Variants in SLC4A1 observed in about 807,000 individuals in gnomAD.
The protein encoded by SLC4A1 is band 3 anion transport protein.
In SLC4A1, 29 loss-of-function variants were observed where a neutral mutation model predicts 93.1. The observed-to-expected ratio is 0.31, with a 90% confidence interval of 0.23 to 0.42. SLC4A1 has a LOEUF of 0.42. Among genes scored for constraint, SLC4A1 ranks in the 20% least tolerant of loss-of-function variants. The pLI, the probability that SLC4A1 is intolerant of heterozygous loss-of-function variation, is 1.00. For missense variants in SLC4A1, 965 were observed against 1,190.1 expected (o/e 0.81, Z 2.78); for synonymous variants, 469 against 497.2 (o/e 0.94, Z 0.76).
chr17:44,264,880 G>C (rs967943606), intron 1 of SLC4A1, among the ~76,000 whole-genome samples: 1 of 151,908 alleles, frequency 6.6e-6, no homozygotes, highest in African/African-American at 2.4e-5. Context: ...TTCCCTCCTC[G>C]CCCACTACAG....
In SLC4A1 at chr17:44,257,489, C is replaced by A; in HGVS notation, c.1487G>T (p.Trp496Leu). The A allele has an allele frequency of 6.2e-7, 1 of 1,613,778 alleles. No individual in the cohort carries two copies. Among genetic ancestry groups the A allele is most frequent in the Non-Finnish European group, 8.5e-7 (1 of 1,179,926 alleles). ...YIVGRVWIGF[W>L]LILLVVLVVA... is the part of the protein sequence containing the mutation. ...CACCAACACCACCAGCAGGATGAGC[C>A]AGAAGCCGATCCACACGCGGCCCAC... The change falls in exon 13 of 20, where the codon TGG (tryptophan) becomes TTG (leucine). Residue 496 changes from tryptophan (W) to leucine (L), a missense_variant. Coordinates refer to ENST00000262418, the MANE Select transcript of SLC4A1 (RefSeq NM_000342.4).
intron 1 of SLC4A1, among the ~76,000 whole-genome samples, chr17:44,264,557 C>T (rs558332681): frequency 1.0e-3 from 153 of 152,348 alleles, no homozygotes; most frequent in South Asian, 4.8e-3. Context: ...TACCTGAGTG[C>T]GAAGACCCTG....
rs1253447708 is a variant in SLC4A1 at position 44,254,580 on chromosome 17, T to C, written c.1973A>G (p.Glu658Gly). Residue 658 changes from glutamate to glycine, a missense_variant, in exon 16 of 20, where the codon GAG (glutamate) becomes GGG (glycine). By Grantham distance (98) the Glu-to-Gly change is moderately conservative. Coordinates refer to ENST00000262418, the MANE Select transcript of SLC4A1 (RefSeq NM_000342.4). The stretch of plus-strand genomic sequence containing the variant: ...GGCAAACATCATCCAGATGGGAAAC[T>C]CGGAACGCAAGCCCAGTGGGTGGAT... ...WVIHPLGLRS[E>G]FPIWMMFASA... 6.2e-7 allele frequency: 1 copy of C among 1,610,326 alleles called. No individual in the cohort carries two copies. Among genetic ancestry groups the C allele is most frequent in the Non-Finnish European group, 8.5e-7 (1 of 1,177,958 alleles).
chr17:44,252,970 T>G, intron 17 of SLC4A1, 148 bp downstream of exon 17: 5 of 885,032 alleles, frequency 5.6e-6, no homozygotes, highest in South Asian at 1.4e-5. Context: ...TCCCCTCGTG[T>G]GAGTAGGGGA....
At chr17:44,259,476 G>C in intron 8 of SLC4A1, 21 bp downstream of exon 8, 3 of 1,607,648 alleles carry the variant, frequency 1.9e-6, no homozygotes, top group Non-Finnish European at 2.6e-6. Context: ...GAGGGCTGAG[G>C]GTAGAGATGC....
chr17:44,266,547 C>A (rs1044206430), intron 1 of SLC4A1, among the ~76,000 whole-genome samples: 2 of 152,188 alleles, frequency 1.3e-5, no homozygotes, highest in African/African-American at 4.8e-5. Context: ...GTCACCCCAT[C>A]TGTACAATGG....
At chr17:44,262,022 C>T in intron 3 of SLC4A1, 2 of 1,187,434 alleles carry the variant, frequency 1.7e-6, no homozygotes, top group Non-Finnish European at 2.1e-6. Context: ...CTTCTCTCCT[C>T]CCACCTGCCT....
chr17:44,254,395 G>T, intron 16 of SLC4A1, 101 bp downstream of exon 16: 1 of 1,117,120 alleles, frequency 9.0e-7, no homozygotes, highest in Non-Finnish European at 1.3e-6. Flanking sequence ...CACCCGCAGG[G>T]ACTAGCTTGC....
At chr17:44,266,938 G>A (rs796956091) in intron 1 of SLC4A1, among the ~76,000 whole-genome samples, 11 of 152,286 alleles carry the variant, frequency 7.2e-5, no homozygotes, top group African/African-American at 2.2e-4. Context: ...TAATCAGCCC[G>A]AACTGCACAA....
At chr17:44,260,034 C>A in intron 6 of SLC4A1, 102 bp from the exon 7 acceptor site, 1 of 1,463,658 alleles carries the variant, frequency 6.8e-7, no homozygotes, top group South Asian at 1.1e-5. Context: ...GGGTAGACAT[C>A]AAGGGTAGAC....
At chr17:44,254,469 A>AC in intron 16 of SLC4A1, 27 bp downstream of exon 16, 5 of 665,392 alleles carry the variant, frequency 7.5e-6, no homozygotes, top group East Asian at 4.1e-5. Flanking sequence ...CCACCCTCCC[A>AC]GGCCCAGCCC....
chr17:44,257,885 G>C, intron 11 of SLC4A1, 78 bp from the exon 12 acceptor site: 1 of 1,607,202 alleles, frequency 6.2e-7, no homozygotes. Flanking sequence ...TGGTCAGGCT[G>C]ATGCAGGGGT....
At position 44,249,058 on chromosome 17, in the gene SLC4A1, C is replaced by CT. The variant is rs1351214885; in HGVS notation, c.*1399_*1400insA. On this transcript the variant is annotated 3_prime_UTR_variant, in exon 20 of 20. Transcript: ENST00000262418. ...TGTATTTTTAGTAGTAACGGGGTTT[C>CT]ACCATGTTGGCCAGGCTGGTCTCAA... The CT allele has an allele frequency of 2.7e-6, 1 of 372,472 alleles. No homozygotes were observed. Among genetic ancestry groups the CT allele is most frequent in the Admixed American group, 3.7e-5 (1 of 26,672 alleles). 23.1% of individuals were successfully genotyped at this position (372,472 alleles called of 1,614,324 possible).
In SLC4A1 at chr17:44,251,206, G is replaced by A. The variant is rs28931585; in HGVS notation, c.2608C>T (p.Arg870Trp). ...PFVLILTVPL[R>W]RVLLPLIFRN... ...AAGATGAGCGGCAGCAGGACGCGCCGCAGCGGCACAGTGAGGATGAGGACG... is the reference window on the plus strand; with the variant it reads ...AAGATGAGCGGCAGCAGGACGCGCCACAGCGGCACAGTGAGGATGAGGACG... Residue 870 changes from arginine to tryptophan, a missense_variant, in exon 19 of 20, where the codon CGG (arginine) becomes TGG (tryptophan). Transcript: ENST00000262418. 1.2e-6 allele frequency: 2 copies of A among 1,613,402 alleles called. No homozygotes were observed. Among genetic ancestry groups the A allele is most frequent in the Non-Finnish European group, 8.5e-7 (1 of 1,179,772 alleles).
At chr17:44,262,497 C>T (rs1053928564) in intron 3 of SLC4A1, 139 bp downstream of exon 3, 5 of 673,600 alleles carry the variant, frequency 7.4e-6, no homozygotes, top group Non-Finnish European at 1.3e-5. Context: ...GTTTATCCTT[C>T]AATCAGCCAG....
chr17:44,255,926 G>T, intron 13 of SLC4A1, 80 bp from the exon 14 acceptor site: 2 of 1,283,114 alleles, frequency 1.6e-6, no homozygotes, highest in Non-Finnish European at 2.3e-6. Context: ...ACTCTACCCA[G>T]CACTACTATC....
At chr17:44,261,492 AT>A in intron 4 of SLC4A1, 82 bp downstream of exon 4, 9 of 1,611,226 alleles carry the variant, frequency 5.6e-6, no homozygotes, top group Non-Finnish European at 7.6e-6. Context: ...AGCTGCCTCT[AT>A]CCCCTTGCTC....
rs2047426826 is a variant in SLC4A1, at chr17:44,259,866, A to G, written c.552T>C (p.Pro184=). The G allele has an allele frequency of 6.2e-7, 1 of 1,613,894 alleles. No individual in the cohort carries two copies. Among genetic ancestry groups the G allele is most frequent in the African/African-American group, 1.3e-5 (1 of 74,870 alleles). Residue 184 remains proline, a synonymous_variant, in exon 7 of 20, where the codon CCT becomes CCC. Coordinates refer to ENST00000262418, the MANE Select transcript of SLC4A1 (RefSeq NM_000342.4). ...AGTGTTGGGGGAGCAGAGGCTGTGA[A>G]GGATCCCCAGAGCGTGTCAGGACTG... ...KPAVLTRSGD[P]SQPLLPQHSS...
chr17:44,265,325 G>A (rs892754088), intron 1 of SLC4A1, among the ~76,000 whole-genome samples: 18 of 152,142 alleles, frequency 1.2e-4, no homozygotes, highest in African/African-American at 4.3e-4. Flanking sequence ...CTCGGGGGTG[G>A]AGTCACCGGA....
Sources: gnomAD v4.1 joint callset for allele counts (sites outside exome capture counted in the v4.1 genomes callset) on GRCh38, gnomAD v4.1.1 for gene constraint, MANE v1.5 for transcripts, NCBI Gene and HGNC (gene_info 2026-07-23, HGNC 2026-07-21) for gene names.